Variants in TCF4 observed in about 807,000 individuals in gnomAD.
TCF4 encodes transcription factor 4.
TCF4 carries 3 observed loss-of-function variants against 82.1 expected under a neutral mutation model. The ratio of observed to expected loss-of-function variants is 0.04; its 90% CI spans 0.02 to 0.09. The LOEUF (loss-of-function observed/expected upper bound fraction) is 0.09, where lower values mean the gene tolerates loss of function less well. TCF4 is among the 10% of genes least tolerant of loss of function. The probability of loss-of-function intolerance (pLI) is 1.00; values close to 1 mark genes in which losing one functional copy is unlikely to be tolerated. For missense variants in TCF4, 518 were observed against 852.7 expected (o/e 0.61, Z 4.89); for synonymous variants, 276 against 309.6 (o/e 0.89, Z 1.14).
intron 8 of TCF4, among the ~76,000 whole-genome samples, chr18:55,318,025 AAGAGCAATTACAAT>A (rs1171911946): frequency 1.3e-5 from 2 of 152,132 alleles, no homozygotes; most frequent in Non-Finnish European, 2.9e-5. Flanking sequence ...ATAAAGCAAA[AAGAGCAATTACAAT>A]AATTACAGGT....
At chr18:55,326,401 CAAAAAAAAAAAAAAAAA>C (rs59228811) in intron 8 of TCF4, among the ~76,000 whole-genome samples, 2 of 26,378 alleles carry the variant, frequency 7.6e-5, no homozygotes, top group Admixed American at 5.9e-4. Context: ...AGAGCAGCAG[CAAAAAAAAAAAAAAAAA>C]AAAAAAAAAA....
intron 3 of TCF4, among the ~76,000 whole-genome samples, chr18:55,470,339 A>C (rs998175740): frequency 1.3e-5 from 2 of 152,168 alleles, no homozygotes; most frequent in Non-Finnish European, 2.9e-5. Context: ...AGTGATTTTT[A>C]AATACTCTCC....
intron 8 of TCF4, among the ~76,000 whole-genome samples, chr18:55,299,661 T>C (rs2067553459): frequency 6.6e-6 from 1 of 151,988 alleles, no homozygotes; most frequent in Non-Finnish European, 1.5e-5. Context: ...ACCAGACAGG[T>C]AAATTTGAAA....
intron 3 of TCF4, among the ~76,000 whole-genome samples, chr18:55,569,393 T>C (rs1235422892): frequency 6.6e-6 from 1 of 151,820 alleles, no homozygotes; most frequent in African/African-American, 2.4e-5. Context: ...CAAAAATCAA[T>C]TGAATGCCAG....
intron 4 of TCF4, among the ~76,000 whole-genome samples, chr18:55,461,932 A>G (rs1206291098): frequency 6.6e-6 from 1 of 152,212 alleles, no homozygotes; most frequent in South Asian, 2.1e-4. Context: ...TCTATACTAC[A>G]TGGTTCAACT....
At chr18:55,599,297 A>G (rs1351500637) in intron 2 of TCF4, among the ~76,000 whole-genome samples, 1 of 152,232 alleles carries the variant, frequency 6.6e-6, no homozygotes. Context: ...TGCAGGTTCC[A>G]GCCTTCCATC....
At position 55,586,135 on chromosome 18, in the gene TCF4, A is replaced by AGAAGG. The variant is rs2097643576; in HGVS notation, c.73-784_73-783insCCTTC. The AGAAGG allele has an allele frequency of 5.4e-6, 7 of 1,297,772 alleles. 1 individual carries two copies. The highest frequency in any genetic ancestry group is 3.4e-5 in the East Asian group (1 of 29,248). The allele number at this position is 1,297,772 out of a possible 1,614,324, so 80.4% of individuals were successfully genotyped here. ...TCTAGAAGAGGAGGAGGAGGAGGAG[A>AGAAGG]AGGAGGAGGAGGAGGAGGAGCAGCA... On this transcript the variant is annotated intron_variant, in intron 2 of 19. Coordinates refer to ENST00000354452, the MANE Select transcript of TCF4 (RefSeq NM_001083962.2).
intron 5 of TCF4, among the ~76,000 whole-genome samples, chr18:55,420,139 A>C (rs896477785): frequency 6.6e-6 from 1 of 152,158 alleles, no homozygotes; most frequent in South Asian, 2.1e-4. Flanking sequence ...AAACGGAAAA[A>C]ACAACAAACA....
At chr18:55,499,288 G>A (rs1374234410) in intron 3 of TCF4, among the ~76,000 whole-genome samples, 1 of 152,170 alleles carries the variant, frequency 6.6e-6, no homozygotes, top group Non-Finnish European at 1.5e-5. Flanking sequence ...CATCACAGAT[G>A]TGATACTCAG....
intron 5 of TCF4, among the ~76,000 whole-genome samples, chr18:55,406,209 T>C (rs906644249): frequency 6.7e-6 from 1 of 149,826 alleles, no homozygotes; most frequent in Non-Finnish European, 1.5e-5. Context: ...ATCAAATAGA[T>C]CGGTCCAGAG....
At chr18:55,347,707 T>C (rs2081484316) in intron 8 of TCF4, among the ~76,000 whole-genome samples, 1 of 152,130 alleles carries the variant, frequency 6.6e-6, no homozygotes, top group Non-Finnish European at 1.5e-5. Flanking sequence ...TCACAAATAA[T>C]ACCTGATGAT....
chr18:55,552,191 A>AG (rs914246914), intron 3 of TCF4, among the ~76,000 whole-genome samples: 1 of 152,180 alleles, frequency 6.6e-6, no homozygotes, highest in Non-Finnish European at 1.5e-5. Flanking sequence ...GTCAGGTACT[A>AG]GTTCATGCCT....
chr18:55,628,922 GA>G (rs200203967), intron 2 of TCF4, among the ~76,000 whole-genome samples: 4,377 of 152,140 alleles, frequency 0.029, 228 homozygotes, highest in African/African-American at 0.1. Context: ...TAATCCTCTA[GA>G]AAAATAGACA....
At chr18:55,615,423 T>C (rs1478414969) in intron 2 of TCF4, among the ~76,000 whole-genome samples, 1 of 152,144 alleles carries the variant, frequency 6.6e-6, no homozygotes, top group Non-Finnish European at 1.5e-5. Flanking sequence ...AACTTGCTTT[T>C]TTTTTTAAGA....
upstream of TCF4, chr18:55,591,382 A>G (rs1052841529): frequency 2.6e-5 from 4 of 152,256 alleles, no homozygotes; most frequent in Admixed American, 2.0e-4. Flanking sequence ...ACCTCTAGTC[A>G]TTCTTTGAAC....
chr18:55,414,805 T>C (rs1401731781), intron 5 of TCF4, among the ~76,000 whole-genome samples: 1 of 152,172 alleles, frequency 6.6e-6, no homozygotes, highest in Non-Finnish European at 1.5e-5. Context: ...AAACAGCAAC[T>C]GCAAAAGCAA....
intron 15 of TCF4, among the ~76,000 whole-genome samples, chr18:55,251,930 GTTTTTT>G (rs199695068): frequency 3.0e-5 from 3 of 101,272 alleles, no homozygotes; most frequent in African/African-American, 7.5e-5. Flanking sequence ...GGGGGATGAG[GTTTTTT>G]TTTTTTTTTT....
At chr18:55,528,062 A>T (rs1474671731) in intron 3 of TCF4, among the ~76,000 whole-genome samples, 1 of 152,164 alleles carries the variant, frequency 6.6e-6, no homozygotes, top group Non-Finnish European at 1.5e-5. Context: ...AAAAACCAAA[A>T]GTGTATGACC....
chr18:55,385,787 G>A (rs910000935), intron 6 of TCF4, among the ~76,000 whole-genome samples: 3 of 152,212 alleles, frequency 2.0e-5, no homozygotes, highest in Admixed American at 2.0e-4. Context: ...TCTTTTGCGA[G>A]TCAATGAAAG....
Sources: allele counts gnomAD v4.1 joint callset (sites outside exome capture counted in the v4.1 genomes callset), GRCh38; gene constraint gnomAD v4.1.1; transcripts MANE v1.5; gene names NCBI Gene and HGNC (gene_info 2026-07-23, HGNC 2026-07-21).